ROBO2: variants seen among roughly 807,000 people sequenced by gnomAD.
ROBO2 encodes the protein roundabout guidance receptor 2, also known as roundabout homolog 2.
A neutral mutation model predicts 160.8 loss-of-function variants in ROBO2; 53 were observed. The ratio of observed to expected loss-of-function variants is 0.33; its 90% confidence interval spans 0.26 to 0.41. The LOEUF is 0.41. Among genes scored for constraint, ROBO2 ranks in the 10% least tolerant of loss-of-function variants. The pLI, the probability that ROBO2 is intolerant of heterozygous loss-of-function variation, is 1.00. For missense variants in ROBO2, 1,577 were observed against 1,722.4 expected (o/e 0.92, Z 1.49); for synonymous variants, 664 against 611.7 (o/e 1.09, Z -1.26).
chr3:76,351,409 C>T (rs905579978), intron 2 of ROBO2, among the ~76,000 whole-genome samples: 2 of 151,788 alleles, frequency 1.3e-5, no homozygotes, highest in Non-Finnish European at 2.9e-5. Flanking sequence ...AGCTGTCAAA[C>T]CTAACAGAAC....
At chr3:77,560,769 C>A (rs1241404641) in intron 9 of ROBO2, among the ~76,000 whole-genome samples, 1 of 152,136 alleles carries the variant, frequency 6.6e-6, no homozygotes, top group Non-Finnish European at 1.5e-5. Context: ...CAAGGAGATG[C>A]AGTTAAGAAG....
At chr3:77,057,168 G>T (rs1054503531) in intron 1 of ROBO2, among the ~76,000 whole-genome samples, 3 of 152,126 alleles carry the variant, frequency 2.0e-5, no homozygotes, top group Admixed American at 2.0e-4. Context: ...GTAGGGAAAT[G>T]GATGAAGCTG....
At chr3:76,169,103 G>GAAATTCAAA (rs1477379735) in intron 2 of ROBO2, among the ~76,000 whole-genome samples, 1 of 152,032 alleles carries the variant, frequency 6.6e-6, no homozygotes, top group African/African-American at 2.4e-5. Context: ...GCTGCTAGAA[G>GAAATTCAAA]AAATTCAAAA....
intron 2 of ROBO2, among the ~76,000 whole-genome samples, chr3:76,187,021 A>G (rs1701796663): frequency 2.0e-5 from 3 of 151,798 alleles, no homozygotes; most frequent in Admixed American, 2.0e-4. Flanking sequence ...CTTCTACCCT[A>G]TGCCATCCAT....
chr3:76,927,012 C>T (rs953019342), intron 2 of ROBO2, among the ~76,000 whole-genome samples: 1 of 151,732 alleles, frequency 6.6e-6, no homozygotes, highest in Non-Finnish European at 1.5e-5. Flanking sequence ...TAGACTAAAT[C>T]GCTGTGGAAC....
chr3:75,959,297 AATAT>A (rs1026683400), intron 2 of ROBO2, among the ~76,000 whole-genome samples: 2 of 151,742 alleles, frequency 1.3e-5, no homozygotes, highest in African/African-American at 4.8e-5. Context: ...CTTTACAATT[AATAT>A]ATTTTCACTG....
intron 2 of ROBO2, among the ~76,000 whole-genome samples, chr3:76,450,136 C>T (rs1167815959): frequency 6.6e-6 from 1 of 152,056 alleles, no homozygotes; most frequent in East Asian, 1.9e-4. Context: ...GTATTCTTAG[C>T]CCTGTGGTTT....
At chr3:76,681,548 G>C (rs72888370) in intron 2 of ROBO2, among the ~76,000 whole-genome samples, 2,896 of 152,070 alleles carry the variant, frequency 0.019, 87 homozygotes, top group African/African-American at 0.066. Context: ...ATCAATGGAA[G>C]CTTTTTCCTC....
chr3:76,701,911 A>AAC (rs2093053241), intron 2 of ROBO2, among the ~76,000 whole-genome samples: 2 of 151,732 alleles, frequency 1.3e-5, no homozygotes, highest in Admixed American at 1.3e-4. Flanking sequence ...AACTGTATGT[A>AAC]TTTAGAAATG....
At chr3:77,067,783 A>C (rs2067013232) in intron 1 of ROBO2, among the ~76,000 whole-genome samples, 1 of 152,186 alleles carries the variant, frequency 6.6e-6, no homozygotes. Flanking sequence ...GGCTGATGTT[A>C]AAATAAGAGG....
At chr3:77,589,479 A>T (rs1215295988) in intron 17 of ROBO2, among the ~76,000 whole-genome samples, 1 of 152,100 alleles carries the variant, frequency 6.6e-6, no homozygotes, top group African/African-American at 2.4e-5. Context: ...ACTTAAATAG[A>T]CTCTTATTAC....
At chr3:77,040,625 C>A (rs2063988643) in exon 1 of ROBO2, 2 of 1,497,882 alleles carry the variant, frequency 1.3e-6, no homozygotes, top group Middle Eastern at 2.4e-4. Context: ...GAGACCTCTC[C>A]ACCAACCCCT....
intron 2 of ROBO2, among the ~76,000 whole-genome samples, chr3:77,007,762 T>A (rs2149446849): frequency 6.6e-6 from 1 of 152,246 alleles, no homozygotes; most frequent in Admixed American, 6.5e-5. Flanking sequence ...TCTTTGAGCA[T>A]CTGTGAGATA....
intron 23 of ROBO2, chr3:77,629,975 G>T (rs2095123371): frequency 6.6e-6 from 1 of 152,180 alleles, no homozygotes; most frequent in South Asian, 2.1e-4. Flanking sequence ...AATATATAGA[G>T]AGAACTGATA....
At chr3:77,588,485 T>A (rs560781133) in intron 16 of ROBO2, among the ~76,000 whole-genome samples, 2 of 107,654 alleles carry the variant, frequency 1.9e-5, no homozygotes, top group East Asian at 5.7e-4. Flanking sequence ...TTATAATTTA[T>A]AAGGTGATAA....
At chr3:77,001,155 A>C (rs1373702131) in intron 2 of ROBO2, among the ~76,000 whole-genome samples, 1 of 152,190 alleles carries the variant, frequency 6.6e-6, no homozygotes, top group Non-Finnish European at 1.5e-5. Context: ...ATTATGTTGC[A>C]TAAATGAAAT....
intron 2 of ROBO2, among the ~76,000 whole-genome samples, chr3:76,214,063 C>G (rs915075665): frequency 6.6e-6 from 1 of 152,106 alleles, no homozygotes; most frequent in Non-Finnish European, 1.5e-5. Context: ...ATCTGAGAAT[C>G]CCTTAGCTCA....
chr3:76,323,815 C>A (rs572790128), intron 2 of ROBO2, among the ~76,000 whole-genome samples: 2 of 152,310 alleles, frequency 1.3e-5, no homozygotes, highest in South Asian at 4.1e-4. Flanking sequence ...GCACATGCCT[C>A]CTTGTCTGTC....
At chr3:76,463,351 A>G (rs1415810142) in intron 2 of ROBO2, among the ~76,000 whole-genome samples, 1 of 150,728 alleles carries the variant, frequency 6.6e-6, no homozygotes, top group African/African-American at 2.5e-5. Context: ...CATTCTCCTA[A>G]CAAATCTTAG....
Sources: allele counts gnomAD v4.1 joint callset (sites outside exome capture counted in the v4.1 genomes callset), GRCh38; gene constraint gnomAD v4.1.1; transcripts MANE v1.5; gene names NCBI Gene and HGNC (gene_info 2026-07-23, HGNC 2026-07-21).